Variants in CFAP99 observed in about 807,000 individuals in gnomAD.
CFAP99 encodes cilia and flagella associated protein 99.
Under a neutral mutation model 82.7 loss-of-function variants are expected in CFAP99, and 84 were observed. That is an observed-to-expected ratio of 1.02 (90% CI 0.85 to 1.22). CFAP99 has a LOEUF of 1.22. CFAP99 is among the 50% of genes most tolerant of loss of function. The probability of loss-of-function intolerance (pLI) is 0.00; values close to 1 mark genes in which losing one functional copy is unlikely to be tolerated. For synonymous variants in CFAP99, 456 were observed against 429.5 expected (o/e 1.06, Z -0.76); for missense variants, 1,059 against 983.5 (o/e 1.08, Z -1.03).
chr4:2,426,410 C>A, intron 1 of CFAP99, 49 bp from the exon 2 acceptor site: 1 of 1,190,320 alleles, frequency 8.4e-7, no homozygotes, highest in Non-Finnish European at 1.2e-6. Context: ...GAGGGTCCTG[C>A]GGCTACATCC....
At position 2,462,930 on chromosome 4, in the gene CFAP99, G is replaced by C; in HGVS notation, c.*4G>C. On this transcript the variant is annotated 3_prime_UTR_variant, in exon 15 of 15. Coordinates refer to ENST00000635017, the Ensembl canonical transcript of CFAP99. The surrounding 1 kb of genome is among the most constrained non-coding windows in gnomAD (Gnocchi z 4.1). The stretch of plus-strand genomic sequence containing the variant: ...GCGCCGCCTGGAGGCCGCCTGAGCC[G>C]GGCCGAGCGCGCCCCACCCGCTTGC... The C allele has an allele frequency of 4.7e-6, 6 of 1,282,768 alleles. No homozygotes were observed. Among genetic ancestry groups the C allele is most frequent in the East Asian group, 3.2e-5 (1 of 30,814 alleles). The allele number at this position is 1,282,768 out of a possible 1,614,324, so 79.5% of individuals were successfully genotyped here. A position where few individuals can be genotyped will look rare whatever the true frequency, so the allele number is the denominator to read the frequency against.
chr4:2,457,195 A>T (rs1277890514), intron 11 of CFAP99, among the ~76,000 whole-genome samples: 1 of 151,912 alleles, frequency 6.6e-6, no homozygotes, highest in African/African-American at 2.4e-5. Context: ...CTCCCCCCTC[A>T]GCTTCCCCAC....
intron 6 of CFAP99, among the ~76,000 whole-genome samples, chr4:2,447,977 A>C (rs1036650583): frequency 1.3e-4 from 18 of 136,358 alleles, no homozygotes; most frequent in South Asian, 9.8e-4. Context: ...GGATGGATGG[A>C]TGGCTTCATG....
intron 6 of CFAP99, 141 bp downstream of exon 6, chr4:2,445,449 G>T: frequency 1.3e-6 from 1 of 758,226 alleles, no homozygotes; most frequent in Non-Finnish European, 1.8e-6. Flanking sequence ...AACACTAAAT[G>T]ACCCCACCCC....
At chr4:2,451,145 G>A in intron 9 of CFAP99, 119 bp from the exon 10 acceptor site, 1 of 1,444,268 alleles carries the variant, frequency 6.9e-7, no homozygotes, top group South Asian at 1.2e-5. Context: ...GCCCCACCCT[G>A]GGGGATAGGG....
At chr4:2,441,314 A>T (rs908192645) in intron 4 of CFAP99, among the ~76,000 whole-genome samples, 1 of 149,112 alleles carries the variant, frequency 6.7e-6, no homozygotes, top group East Asian at 2.0e-4. Flanking sequence ...CGGAGGTTGC[A>T]GTGAGCTGAG....
At position 2,462,864 on chromosome 4, in the gene CFAP99, C is replaced by G. The variant is rs1357782737; in HGVS notation, c.2083C>G (p.Leu695Val). ...GCTGGAGCGGAGCCGCGAGCGCAGG[C>G]TGCAGGCGCTGCAGCAGGGAGGCTC... The change falls in exon 15 of 15, where the codon CTG becomes GTG. Residue 695 changes from leucine (L) to valine (V), a missense_variant. By Grantham distance (32) the Leu-to-Val change is conservative. Coordinates refer to ENST00000635017, the Ensembl canonical transcript of CFAP99. The surrounding 1 kb of genome is among the most constrained non-coding windows in gnomAD (Gnocchi z 4.1). 2 of 1,390,370 alleles carry G rather than the reference C, an allele frequency of 1.4e-6. No homozygotes were observed. The highest frequency in any genetic ancestry group is 1.9e-6 in the Non-Finnish European group (2 of 1,071,890). 86.1% of individuals were successfully genotyped at this position (1,390,370 alleles called of 1,614,324 possible). A position where few individuals can be genotyped will look rare whatever the true frequency, so the allele number is the denominator to read the frequency against.
At chr4:2,442,678 G>A (rs973639374) in intron 4 of CFAP99, among the ~76,000 whole-genome samples, 13 of 152,186 alleles carry the variant, frequency 8.5e-5, no homozygotes, top group Non-Finnish European at 1.6e-4. Context: ...TCGGGAAGTT[G>A]ACTGGACAAG....
intron 11 of CFAP99, among the ~76,000 whole-genome samples, chr4:2,453,250 T>C (rs1734343793): frequency 6.6e-6 from 1 of 152,220 alleles, no homozygotes; most frequent in Admixed American, 6.5e-5. Flanking sequence ...TATACATAGT[T>C]TGTCCTTCCC....
chr4:2,426,901 TG>T (rs916972058), intron 2 of CFAP99: 13 of 301,296 alleles, frequency 4.3e-5, no homozygotes, highest in Admixed American at 1.3e-4. Context: ...ACCCCCACTT[TG>T]GGGGGCATCT....
chr4:2,426,925 T>C (rs903015577), intron 2 of CFAP99: 2 of 288,128 alleles, frequency 6.9e-6, no homozygotes, highest in African/African-American at 4.3e-5. Flanking sequence ...TCTCGGGAAA[T>C]GGGTCCTCCA....
At chr4:2,458,199 CG>C (rs895491960) in intron 11 of CFAP99, among the ~76,000 whole-genome samples, 1 of 152,176 alleles carries the variant, frequency 6.6e-6, no homozygotes, top group African/African-American at 2.4e-5. Flanking sequence ...TTGACTGAGA[CG>C]GGAATCTTGG....
intron 1 of CFAP99, among the ~76,000 whole-genome samples, chr4:2,425,994 C>T (rs886156878): frequency 3.9e-5 from 6 of 152,212 alleles, no homozygotes; most frequent in African/African-American, 1.4e-4. Flanking sequence ...ACCTTCTGCT[C>T]CCCAGCAGGG....
intron 14 of CFAP99, among the ~76,000 whole-genome samples, chr4:2,460,534 G>C (rs1393134397): frequency 6.6e-6 from 1 of 152,168 alleles, no homozygotes; most frequent in Non-Finnish European, 1.5e-5. Context: ...TAGCCAGCTA[G>C]CTATTTATGT....
At chr4:2,457,548 G>A (rs570329603) in intron 11 of CFAP99, among the ~76,000 whole-genome samples, 4 of 152,342 alleles carry the variant, frequency 2.6e-5, no homozygotes, top group African/African-American at 7.2e-5. Flanking sequence ...AGGCAGGACC[G>A]TGGGTCCAAG....
Position 2,462,556 on chromosome 4 carries a change from C to A in CFAP99, c.1775C>A (p.Ala592Glu), listed in dbSNP as rs1734648812. The A allele has an allele frequency of 6.8e-7, 1 of 1,462,812 alleles. No individual in the cohort carries two copies. The highest frequency in any genetic ancestry group is 9.0e-7 in the Non-Finnish European group (1 of 1,113,882). 90.6% of individuals were successfully genotyped at this position (1,462,812 alleles called of 1,614,324 possible). The change falls in exon 15 of 15, where the codon GCG becomes GAG. Residue 592 changes from alanine (A) to glutamate (E), a missense_variant. Physicochemically the swap from Ala to Glu is moderately radical, Grantham distance 107. Coordinates refer to ENST00000635017, the Ensembl canonical transcript of CFAP99. The surrounding 1 kb of genome is among the most constrained non-coding windows in gnomAD (Gnocchi z 4.1). ...AGGGCGGCCGAGCGCAGCAGGCAGGCGGCCTTGCTGCACGTGTCGGCGCCG... is the reference window on the plus strand; with the variant it reads ...AGGGCGGCCGAGCGCAGCAGGCAGGAGGCCTTGCTGCACGTGTCGGCGCCG...
intron 2 of CFAP99, among the ~76,000 whole-genome samples, chr4:2,434,736 A>G (rs1445192727): frequency 6.6e-6 from 1 of 152,154 alleles, no homozygotes; most frequent in Non-Finnish European, 1.5e-5. Context: ...TCTTGCCCCT[A>G]CCAGTTCTCC....
intron 6 of CFAP99, among the ~76,000 whole-genome samples, chr4:2,447,875 A>G (rs553372253): frequency 7.2e-6 from 1 of 138,252 alleles, no homozygotes; most frequent in African/African-American, 2.8e-5. Flanking sequence ...ATGGATAGAT[A>G]GATGGATGAT....
chr4:2,422,443 G>A (rs1309481115), intron 1 of CFAP99, among the ~76,000 whole-genome samples: 1 of 152,128 alleles, frequency 6.6e-6, no homozygotes, highest in Non-Finnish European at 1.5e-5. Flanking sequence ...GCCCTGGATT[G>A]GGGGGCGGGC....
Sources: allele counts gnomAD v4.1 joint callset (sites outside exome capture counted in the v4.1 genomes callset), GRCh38; gene constraint gnomAD v4.1.1; non-coding constraint Gnocchi (gnomAD v3.1); transcripts MANE v1.5; gene names NCBI Gene and HGNC (gene_info 2026-07-23, HGNC 2026-07-21).